The following LRP1B variants were observed in gnomAD, a reference collection of about 807,000 sequenced individuals.
LRP1B encodes the protein LDL receptor related protein 1B, also known as low-density lipoprotein receptor-related protein 1B.
Under a neutral mutation model 556.6 loss-of-function variants are expected in LRP1B, and 217 were observed. The ratio of observed to expected loss-of-function variants is 0.39; its 90% CI spans 0.35 to 0.44. The LOEUF (loss-of-function observed/expected upper bound fraction) is 0.44, where lower values mean the gene tolerates loss of function less well. Among genes scored for constraint, LRP1B ranks in the 20% least tolerant of loss-of-function variants. The probability of loss-of-function intolerance (pLI) is 1.00; values close to 1 mark genes in which losing one functional copy is unlikely to be tolerated. For synonymous variants in LRP1B, 2,047 were observed against 1,865.8 expected (o/e 1.10, Z -2.50); for missense variants, 5,053 against 5,620.8 (o/e 0.90, Z 3.23).
At chr2:141,859,612 T>C (rs940110601) in intron 1 of LRP1B, among the ~76,000 whole-genome samples, 7 of 152,182 alleles carry the variant, frequency 4.6e-5, no homozygotes, top group African/African-American at 1.4e-4. Flanking sequence ...CTAACAATAA[T>C]GCACTGTATA....
At chr2:140,587,434 G>T (rs1384541111) in intron 43 of LRP1B, among the ~76,000 whole-genome samples, 1 of 152,204 alleles carries the variant, frequency 6.6e-6, no homozygotes, top group Middle Eastern at 3.4e-3. Context: ...TGACAACATG[G>T]GTGAACTTGG....
intron 41 of LRP1B, among the ~76,000 whole-genome samples, chr2:140,617,756 G>A (rs1190193369): frequency 6.6e-6 from 1 of 151,888 alleles, no homozygotes; most frequent in Admixed American, 6.6e-5. Context: ...AATATAAAAA[G>A]TAAGTTCTAT....
intron 1 of LRP1B, among the ~76,000 whole-genome samples, chr2:142,000,696 T>C (rs1222668652): frequency 1.3e-5 from 2 of 152,118 alleles, no homozygotes; most frequent in East Asian, 1.9e-4. Flanking sequence ...CCAGAAACAG[T>C]TTTAATCTCT....
intron 1 of LRP1B, among the ~76,000 whole-genome samples, chr2:141,941,754 G>A (rs1162859990): frequency 2.6e-5 from 4 of 152,158 alleles, no homozygotes; most frequent in African/African-American, 9.7e-5. Context: ...TCAAGAGCAA[G>A]AGGAAGTCAT....
intron 59 of LRP1B, among the ~76,000 whole-genome samples, chr2:140,476,653 G>A (rs986534764): frequency 6.6e-6 from 1 of 151,928 alleles, no homozygotes; most frequent in Non-Finnish European, 1.5e-5. Context: ...TAAAGGTATG[G>A]CTTATAAAGA....
intron 67 of LRP1B, among the ~76,000 whole-genome samples, chr2:140,378,752 C>T (rs1224099675): frequency 6.6e-6 from 1 of 152,162 alleles, no homozygotes; most frequent in Non-Finnish European, 1.5e-5. Flanking sequence ...ATTCTAAAAA[C>T]ATTCTAATTA....
chr2:140,771,525 T>C (rs1373635791), intron 33 of LRP1B, among the ~76,000 whole-genome samples: 1 of 152,100 alleles, frequency 6.6e-6, no homozygotes, highest in African/African-American at 2.4e-5. Context: ...TTCATAGAAA[T>C]ATAATTCTCC....
intron 17 of LRP1B, among the ~76,000 whole-genome samples, chr2:140,988,900 T>C (rs1697009095): frequency 1.3e-5 from 2 of 152,154 alleles, no homozygotes; most frequent in East Asian, 1.9e-4. Flanking sequence ...GTCAGTATCA[T>C]TTTTCAACAT....
At chr2:141,771,272 A>AG (rs1694890145) in intron 2 of LRP1B, among the ~76,000 whole-genome samples, 2 of 152,212 alleles carry the variant, frequency 1.3e-5, no homozygotes, top group Non-Finnish European at 2.9e-5. Context: ...GCCAAAAAAA[A>AG]CTAGTTGGAT....
chr2:140,506,516 C>A (rs1393753182), intron 53 of LRP1B, among the ~76,000 whole-genome samples: 1 of 152,068 alleles, frequency 6.6e-6, no homozygotes, highest in Admixed American at 6.5e-5. Context: ...AGTGCTAGGA[C>A]TACAGGCATG....
At chr2:141,155,321 A>G (rs1291142876) in intron 7 of LRP1B, among the ~76,000 whole-genome samples, 1 of 151,848 alleles carries the variant, frequency 6.6e-6, no homozygotes, top group Non-Finnish European at 1.5e-5. Flanking sequence ...TCACACAATA[A>G]TGCTTTATAT....
At chr2:140,533,036 C>T (rs890253944) in intron 47 of LRP1B, among the ~76,000 whole-genome samples, 5 of 145,180 alleles carry the variant, frequency 3.4e-5, no homozygotes, top group African/African-American at 1.0e-4. Context: ...ATGAATTTTG[C>T]GTCTCGAACC....
chr2:141,157,472 A>C (rs1702095574), intron 7 of LRP1B, among the ~76,000 whole-genome samples: 1 of 152,150 alleles, frequency 6.6e-6, no homozygotes, highest in Non-Finnish European at 1.5e-5. Context: ...GAAGAACCAA[A>C]GTCACATGCA....
chr2:140,612,854 A>G (rs1275282391), intron 41 of LRP1B, among the ~76,000 whole-genome samples: 1 of 151,962 alleles, frequency 6.6e-6, no homozygotes, highest in Non-Finnish European at 1.5e-5. Flanking sequence ...TACTTTTTTT[A>G]GGAAGTGGAA....
intron 7 of LRP1B, among the ~76,000 whole-genome samples, chr2:141,144,718 C>T (rs774088310): frequency 2.0e-5 from 3 of 152,048 alleles, no homozygotes; most frequent in Admixed American, 6.6e-5. Flanking sequence ...TTAGAAGCAC[C>T]GCAAGGCACC....
intron 2 of LRP1B, among the ~76,000 whole-genome samples, chr2:141,809,322 T>A (rs534188304): frequency 6.6e-6 from 1 of 152,164 alleles, no homozygotes; most frequent in South Asian, 2.1e-4. Flanking sequence ...AAGATGAAAA[T>A]GGAAAATGAA....
chr2:141,731,807 G>T (rs1693284452), intron 2 of LRP1B, among the ~76,000 whole-genome samples: 1 of 152,062 alleles, frequency 6.6e-6, no homozygotes, highest in Non-Finnish European at 1.5e-5. Flanking sequence ...TGTAGGGAAG[G>T]GTTATTACAC....
chr2:140,636,639 T>C (rs1299617866), intron 41 of LRP1B, among the ~76,000 whole-genome samples: 2 of 152,150 alleles, frequency 1.3e-5, no homozygotes, highest in African/African-American at 4.8e-5. Flanking sequence ...TCCTCCTTCA[T>C]CATTTATAAT....
intron 20 of LRP1B, among the ~76,000 whole-genome samples, chr2:140,944,145 T>C: frequency 6.6e-6 from 1 of 152,136 alleles, no homozygotes; most frequent in East Asian, 1.9e-4. Flanking sequence ...TGAACACCTC[T>C]GTGTGTACAA....
Sources: allele counts gnomAD v4.1 joint callset (sites outside exome capture counted in the v4.1 genomes callset), GRCh38; gene constraint gnomAD v4.1.1; transcripts MANE v1.5; gene names NCBI Gene and HGNC (gene_info 2026-07-23, HGNC 2026-07-21).